Variants in GFRA4 observed in about 807,000 individuals in gnomAD.
The protein encoded by GFRA4 is GDNF family receptor alpha 4, also known as GDNF family receptor alpha-4.
GFRA4 carries 31 observed loss-of-function variants against 28.5 expected under a neutral mutation model. The observed-to-expected ratio is 1.09, with a 90% confidence interval of 0.82 to 1.47. The LOEUF (loss-of-function observed/expected upper bound fraction) is 1.47. Among genes scored for constraint, GFRA4 ranks in the 40% most tolerant of loss-of-function variants. The pLI is 0.00. For synonymous variants in GFRA4, 188 were observed against 188.0 expected (o/e 1.00, Z 0.00); for missense variants, 389 against 413.2 (o/e 0.94, Z 0.51).
At position 3,660,209 on chromosome 20, in the gene GFRA4, G is replaced by C. The variant is rs1165680693; in HGVS notation, c.678C>G (p.Val226=). Reference sequence around the variant, plus strand: ...CCTGGGGGTTCAGCTGGTCCAGCAGGACTGGGGGCCACCCGCTGGCAAAGG... The same window carrying C: ...CCTGGGGGTTCAGCTGGTCCAGCAGCACTGGGGGCCACCCGCTGGCAAAGG... ...IQAFASGWPP[V]LLDQLNPQGD... The change falls in exon 5 of 6, where the codon GTC becomes GTG. Residue 226 remains valine (V), a synonymous_variant. Transcript: ENST00000290417. 8 of 1,606,370 alleles carry C rather than the reference G, an allele frequency of 5.0e-6. No individual in the cohort carries two copies. The African/African-American group carries it at 1.1e-4, about 21-fold the overall frequency.
intron 1 of GFRA4, 95 bp downstream of exon 1, chr20:3,663,259 C>A: frequency 6.8e-7 from 1 of 1,463,452 alleles, no homozygotes. Flanking sequence ...TGTGGTTCAG[C>A]TTTTCCTGGA....
At position 3,659,996 on chromosome 20, in the gene GFRA4, G is replaced by T. The variant is rs766802635; in HGVS notation, c.730-7C>A. ...CCCTGCCTGTGGAGGACACCTTGGG[G>T]GTGGGAGCCAAGTGCAGACTTGAGG... On this transcript the variant is annotated splice_region_variant and splice_polypyrimidine_tract_variant and intron_variant, in intron 5 of 5. Coordinates refer to ENST00000290417, the MANE Select transcript of GFRA4 (RefSeq NM_022139.4). 1 of 1,566,666 alleles carries T rather than the reference G, an allele frequency of 6.4e-7. No individual in the cohort carries two copies. The highest frequency in any genetic ancestry group is 8.7e-7 in the Non-Finnish European group (1 of 1,156,002).
At position 3,661,060 on chromosome 20, in the gene GFRA4, C is replaced by G. The variant is rs1261636403; in HGVS notation, c.276G>C (p.Ala92=). The G allele has an allele frequency of 8.3e-6, 12 of 1,446,154 alleles. No homozygotes were observed. The highest frequency in any genetic ancestry group is 1.5e-5 in the African/African-American group (1 of 66,854). 89.6% of individuals were successfully genotyped at this position (1,446,154 alleles called of 1,614,324 possible). A position where few individuals can be genotyped will look rare whatever the true frequency, so the allele number is the denominator to read the frequency against. Reference sequence around the variant, plus strand: ...AGGTCTGGCGCCGACGCTCGGCGCACGCGGGGCCCGCGCACGGGCAGAAGA... The same window carrying G: ...AGGTCTGGCGCCGACGCTCGGCGCAGGCGGGGCCCGCGCACGGGCAGAAGA... ...ALLFCPCAGP[A]CAERRRQTFV... is the part of the protein sequence containing the mutation. Residue 92 remains alanine (A), a synonymous_variant, in exon 2 of 6, where the codon GCG becomes GCC. Coordinates refer to ENST00000290417, the MANE Select transcript of GFRA4 (RefSeq NM_022139.4).
At chr20:3,661,313 C>T in intron 1 of GFRA4, 24 bp from the exon 2 acceptor site, 1 of 1,440,084 alleles carries the variant, frequency 6.9e-7, no homozygotes, top group Non-Finnish European at 9.1e-7. Context: ...GGGGAGGCTG[C>T]AGGTCTCAGT....
chr20:3,660,903 G>A lies in GFRA4; in HGVS notation c.393-39C>T, dbSNP rs2087213716. Reference sequence around the variant, plus strand: ...GGGCGGTGAGCCGGAGAGAGGCCCCGTCCCCACCCTCGCCACGGCCCCGCC... The same window carrying A: ...GGGCGGTGAGCCGGAGAGAGGCCCCATCCCCACCCTCGCCACGGCCCCGCC... On this transcript the variant is annotated intron_variant, in intron 2 of 5. Coordinates refer to ENST00000290417, the MANE Select transcript of GFRA4 (RefSeq NM_022139.4). The A allele has an allele frequency of 3.6e-6, 5 of 1,384,084 alleles. No individual in the cohort carries two copies. In the East Asian group the frequency reaches 1.5e-4, roughly 43 times the overall value. 85.7% of individuals were successfully genotyped at this position (1,384,084 alleles called of 1,614,324 possible). A position where few individuals can be genotyped will look rare whatever the true frequency, so the allele number is the denominator to read the frequency against.
chr20:3,660,894 A>G (rs1263896118), intron 2 of GFRA4, 30 bp from the exon 3 acceptor site: 31 of 1,399,590 alleles, frequency 2.2e-5, no homozygotes, highest in Non-Finnish European at 2.7e-5. Flanking sequence ...TGAGCCGGAG[A>G]GAGGCCCCGT....
chr20:3,662,984 G>A (rs2087238857), intron 1 of GFRA4, among the ~76,000 whole-genome samples: 1 of 152,224 alleles, frequency 6.6e-6, no homozygotes. Context: ...CCAAGAAGGT[G>A]GAACAACAGA....
chr20:3,660,047 TG>T, intron 5 of GFRA4, 58 bp from the exon 6 acceptor site: 1 of 1,522,304 alleles, frequency 6.6e-7, no homozygotes, highest in Non-Finnish European at 8.9e-7. Context: ...GCCCTCTGCC[TG>T]CACCCCCACC....
At chr20:3,660,085 C>T (rs1433382913) in intron 5 of GFRA4, 73 bp downstream of exon 5, 13 of 1,514,892 alleles carry the variant, frequency 8.6e-6, no homozygotes, top group Non-Finnish European at 1.2e-5. Flanking sequence ...TCCACCCAGG[C>T]CCACCAGGGA....
Position 3,660,676 on chromosome 20 carries a change from G to A in GFRA4, c.503-16C>T. ...ACGGCGGTGCCTGCGGGGACCCTGAGGGCGAAGTCATCGGCCCACCCGGGC... is the reference window on the plus strand; with the variant it reads ...ACGGCGGTGCCTGCGGGGACCCTGAAGGCGAAGTCATCGGCCCACCCGGGC... On this transcript the variant is annotated splice_polypyrimidine_tract_variant and intron_variant, in intron 3 of 5. Coordinates refer to ENST00000290417, the MANE Select transcript of GFRA4 (RefSeq NM_022139.4). 2 of 1,540,210 alleles carry A rather than the reference G, an allele frequency of 1.3e-6. No homozygotes were observed. The highest frequency in any genetic ancestry group is 2.4e-5 in the South Asian group (2 of 83,536).
In GFRA4 at chr20:3,660,544, TAA is replaced by T. The variant is rs774616189; in HGVS notation, c.617_618del (p.Phe206TyrfsTer126). The T allele has an allele frequency of 4.6e-6, 6 of 1,302,174 alleles. No individual in the cohort carries two copies. The South Asian group carries it at 7.4e-5, about 16-fold the overall frequency. 80.7% of individuals were successfully genotyped at this position (1,302,174 alleles called of 1,614,324 possible). A position where few individuals can be genotyped will look rare whatever the true frequency, so the allele number is the denominator to read the frequency against. On this transcript the variant is annotated frameshift_variant, in exon 4 of 6. Coordinates refer to ENST00000290417, the MANE Select transcript of GFRA4 (RefSeq NM_022139.4). LOFTEE classifies it high-confidence loss of function. The stretch of plus-strand genomic sequence containing the variant: ...CCCTCACCCAAGCAGCGGTTCCTGG[TAA>T]AGAGCCCCCGGAAGGCTTCGCAGTC... ...REDCEAFRGL[F>X]TRNRCLDGAI...
At position 3,660,264 on chromosome 20, in the gene GFRA4, G is replaced by T. The variant is rs1373573065; in HGVS notation, c.638-15C>A. On this transcript the variant is annotated splice_polypyrimidine_tract_variant and intron_variant, in intron 4 of 5. Transcript: ENST00000290417. Reference sequence around the variant, plus strand: ...AATGGCACCATCTATGGAGGGAGGGGTCCAGGGTGGACTTAGCTGGGAAAC... The same window carrying T: ...AATGGCACCATCTATGGAGGGAGGGTTCCAGGGTGGACTTAGCTGGGAAAC... 3 of 1,590,480 alleles carry T rather than the reference G, an allele frequency of 1.9e-6. No individual in the cohort carries two copies. The South Asian group carries it at 3.4e-5, about 18-fold the overall frequency.
Position 3,661,159 on chromosome 20 carries a change from A to T in GFRA4, c.177T>A (p.Cys59Ter). 1.5e-6 allele frequency: 2 copies of T among 1,362,694 alleles called. No individual in the cohort carries two copies. The highest frequency in any genetic ancestry group is 1.9e-6 in the Non-Finnish European group (2 of 1,064,462). 84.4% of individuals were successfully genotyped at this position (1,362,694 alleles called of 1,614,324 possible). Residue 59 changes from cysteine (C) to a stop codon, truncating the protein, a stop_gained, in exon 2 of 6, where the codon TGT (cysteine) becomes TGA (stop). Transcript: ENST00000290417. LOFTEE classifies it high-confidence loss of function. ...GGGCCCGGCGGCAGCGGGCGCGGGGACAGCCCCCCTGCGCAGCCCGGCCCA... is the reference window on the plus strand; with the variant it reads ...GGGCCCGGCGGCAGCGGGCGCGGGGTCAGCCCCCCTGCGCAGCCCGGCCCA... ...QCLGRAAQGG[C>*]PRARCRRALR...
At chr20:3,660,407 A>G (rs2087204922) in intron 4 of GFRA4, 119 bp downstream of exon 4, 1 of 1,120,976 alleles carries the variant, frequency 8.9e-7, no homozygotes, top group Non-Finnish European at 1.3e-6. Flanking sequence ...GCTGTGACAG[A>G]GTGACTCAAC....
rs747251211 is a variant in GFRA4 at position 3,661,203 on chromosome 20, C to T, written c.133G>A (p.Glu45Lys). ...ADARCQRLRSEYVAQCLGRAA... is the reference protein window; with the variant it reads ...ADARCQRLRSKYVAQCLGRAA... ...CGGCCCAGGCACTGCGCCACATACT[C>T]GGAGCGCAAACGCTGGCACCGCGCG... The change falls in exon 2 of 6, where the codon GAG (glutamate) becomes AAG (lysine). Residue 45 changes from glutamate (E) to lysine (K), a missense_variant. Coordinates refer to ENST00000290417, the MANE Select transcript of GFRA4 (RefSeq NM_022139.4). 10 of 1,496,662 alleles carry T rather than the reference C, an allele frequency of 6.7e-6. No homozygotes were observed. The highest frequency in any genetic ancestry group is 6.5e-5 in the Admixed American group (3 of 46,178). 92.7% of individuals were successfully genotyped at this position (1,496,662 alleles called of 1,614,324 possible).
At chr20:3,660,458 C>G in intron 4 of GFRA4, 68 bp downstream of exon 4, 1 of 1,469,430 alleles carries the variant, frequency 6.8e-7, no homozygotes, top group Non-Finnish European at 9.2e-7. Context: ...GGCTCCCAGC[C>G]AGGCGGCTTG....
In GFRA4 at chr20:3,660,923, CCCG is replaced by C. The variant is rs1165591825; in HGVS notation, c.392+18_392+20del. ...GCCCCGTCCCCACCCTCGCCACGGC[CCCG>C]CCGCCGCCCGCGCGCACCTGCAGAC... is the stretch of plus-strand genomic sequence containing the variant. On this transcript the variant is annotated intron_variant, in intron 2 of 5. Transcript: ENST00000290417. 3.6e-6 allele frequency: 5 copies of C among 1,379,008 alleles called. No individual in the cohort carries two copies. Among genetic ancestry groups the C allele is most frequent in the South Asian group, 3.3e-5 (2 of 60,318 alleles). The allele number at this position is 1,379,008 out of a possible 1,614,324, so 85.4% of individuals were successfully genotyped here.
At chr20:3,660,119 G>A (rs1212000215) in intron 5 of GFRA4, 39 bp downstream of exon 5, 1 of 1,530,752 alleles carries the variant, frequency 6.5e-7, no homozygotes, top group Non-Finnish European at 8.9e-7. Flanking sequence ...AGGTGACAGT[G>A]GGGGAGGTGC....
Position 3,660,813 on chromosome 20 carries a change from G to C in GFRA4, c.444C>G (p.Pro148=). 1.4e-6 allele frequency: 2 copies of C among 1,416,120 alleles called. No homozygotes were observed. Among genetic ancestry groups the C allele is most frequent in the Non-Finnish European group, 9.1e-7 (1 of 1,097,584 alleles). 87.7% of individuals were successfully genotyped at this position (1,416,120 alleles called of 1,614,324 possible). Reference sequence around the variant, plus strand: ...CGCCCTGGTCCAGCAGGCAGCCGTCGGGGGCGCTGGGCGCTGGGGTGCACG... The same window carrying C: ...CGCCCTGGTCCAGCAGGCAGCCGTCCGGGGCGCTGGGCGCTGGGGTGCACG... ...QVSCTPAPSA[P]DGCLLDQGAR... is the part of the protein sequence containing the mutation. The change falls in exon 3 of 6, where the codon CCC becomes CCG. Residue 148 remains proline (P), a synonymous_variant. Transcript: ENST00000290417.
Sources: gnomAD v4.1 joint callset for allele counts (sites outside exome capture counted in the v4.1 genomes callset) on GRCh38, gnomAD v4.1.1 for gene constraint, MANE v1.5 for transcripts, NCBI Gene and HGNC (gene_info 2026-07-23, HGNC 2026-07-21) for gene names.